The following SLC8A1 variants were observed in gnomAD, a reference collection of about 807,000 sequenced individuals.
SLC8A1 encodes sodium/calcium exchanger 1.
SLC8A1 carries 18 observed loss-of-function variants against 68.3 expected under a neutral mutation model. The observed-to-expected ratio is 0.26, with a 90% CI of 0.18 to 0.39. The LOEUF is 0.39. Ranked by LOEUF, SLC8A1 falls within the 10% of genes least tolerant of loss-of-function variation. SLC8A1 has a pLI of 1.00. For missense variants in SLC8A1, 985 were observed against 1,156.7 expected (o/e 0.85, Z 2.15); for synonymous variants, 475 against 415.5 (o/e 1.14, Z -1.74).
upstream of SLC8A1, among the ~76,000 whole-genome samples, chr2:40,455,725 T>C (rs1559742491): frequency 1.3e-5 from 2 of 152,326 alleles, no homozygotes; most frequent in Admixed American, 1.3e-4. Flanking sequence ...AATTCTTTGT[T>C]GACTTCTAAG....
intron 2 of SLC8A1, among the ~76,000 whole-genome samples, chr2:40,354,394 C>A (rs1220119964): frequency 2.0e-5 from 3 of 152,186 alleles, no homozygotes; most frequent in Non-Finnish European, 2.9e-5. Context: ...AAGTCACACT[C>A]CGTGCACAGC....
rs1220416855 is a variant in SLC8A1 at position 40,311,869 on chromosome 2, G to A, written c.1808+116604C>T. Among the ~76,000 whole-genome samples the A allele has an allele frequency of 2.6e-5, 4 of 152,042 alleles. No individual in the cohort carries two copies. The South Asian group carries it at 6.2e-4, about 24-fold the overall frequency. On this transcript the variant is annotated intron_variant, in intron 2 of 7. Coordinates refer to ENST00000406785, the Ensembl canonical transcript of SLC8A1. ...GAATCGATAACAAAAATAAAAGCAAGTTGTCCTTATCATCTCCACAAACTC... is the reference window on the plus strand; with the variant it reads ...GAATCGATAACAAAAATAAAAGCAAATTGTCCTTATCATCTCCACAAACTC...
chr2:40,486,124 TC>T (rs766345144), intron 1 of SLC8A1, among the ~76,000 whole-genome samples: 1 of 152,190 alleles, frequency 6.6e-6, no homozygotes, highest in African/African-American at 2.4e-5. Flanking sequence ...TAAGGGGCTT[TC>T]CCCCCTTTGC....
intron 2 of SLC8A1, among the ~76,000 whole-genome samples, chr2:40,199,159 G>A (rs2053656130): frequency 2.0e-5 from 3 of 151,852 alleles, no homozygotes; most frequent in Non-Finnish European, 4.4e-5. Flanking sequence ...CATGTTTTTA[G>A]TTGTGGAATT....
chr2:40,388,561 G>C (rs1684323696), intron 2 of SLC8A1, among the ~76,000 whole-genome samples: 2 of 152,132 alleles, frequency 1.3e-5, no homozygotes, highest in African/African-American at 4.8e-5. Flanking sequence ...ATGCATCTAA[G>C]CAACAGTATG....
upstream of SLC8A1, among the ~76,000 whole-genome samples, chr2:40,456,480 A>G (rs1190555996): frequency 6.6e-6 from 1 of 152,236 alleles, no homozygotes; most frequent in Non-Finnish European, 1.5e-5. Context: ...CTATTAATTT[A>G]GAGGTCAGAA....
At chr2:40,110,091 G>A (rs1229486541) in exon 8 of SLC8A1, 1 of 152,126 alleles carries the variant, frequency 6.6e-6, no homozygotes, top group Non-Finnish European at 1.5e-5. Context: ...TGACAGGCAG[G>A]GAAAAAGTCA....
chr2:40,444,307 C>T (rs112869739), intron 1 of SLC8A1, among the ~76,000 whole-genome samples: 1 of 152,058 alleles, frequency 6.6e-6, no homozygotes, highest in Non-Finnish European at 1.5e-5. Flanking sequence ...CCACTGCACC[C>T]CAGCCTGGGT....
chr2:40,199,756 CATG>C (rs1473941578), intron 2 of SLC8A1, among the ~76,000 whole-genome samples: 1 of 151,644 alleles, frequency 6.6e-6, no homozygotes, highest in African/African-American at 2.4e-5. Flanking sequence ...GCTGATTCTA[CATG>C]ATAATTGATC....
chr2:40,304,886 AC>A (rs536882266), intron 2 of SLC8A1, among the ~76,000 whole-genome samples: 32 of 152,284 alleles, frequency 2.1e-4, no homozygotes, highest in Middle Eastern at 3.4e-3. Context: ...TGTCAGGTGA[AC>A]ATGGACTTCC....
At chr2:40,452,169 C>G (rs1702641632), upstream of SLC8A1, 1 of 145,644 alleles carries the variant, frequency 6.9e-6, no homozygotes, top group African/African-American at 2.5e-5. Context: ...GGCGCGCGCG[C>G]GCTCCCCCTC....
chr2:40,233,743 G>A (rs1197367042), intron 2 of SLC8A1, among the ~76,000 whole-genome samples: 1 of 151,196 alleles, frequency 6.6e-6, no homozygotes, highest in East Asian at 1.9e-4. Flanking sequence ...TAACGTTTAA[G>A]TCTTTAATCC....
At chr2:40,160,825 G>C (rs768802141) in exon 6 of SLC8A1, 3 of 1,613,168 alleles carry the variant, frequency 1.9e-6, no homozygotes, top group Admixed American at 1.7e-5. Context: ...CCAACCACAA[G>C]GGCCAGGTTT....
At chr2:40,334,434 C>A (rs1034802108) in intron 2 of SLC8A1, among the ~76,000 whole-genome samples, 1 of 152,156 alleles carries the variant, frequency 6.6e-6, no homozygotes, top group Non-Finnish European at 1.5e-5. Context: ...ATATTTTTTA[C>A]AGCCAATGCA....
At chr2:40,325,200 T>A (rs1327199407) in intron 2 of SLC8A1, among the ~76,000 whole-genome samples, 1 of 152,202 alleles carries the variant, frequency 6.6e-6, no homozygotes, top group African/African-American at 2.4e-5. Context: ...ACAGTTTTCC[T>A]TGTGAGGCTT....
chr2:40,315,084 C>T (rs565493879), intron 2 of SLC8A1, among the ~76,000 whole-genome samples: 2 of 152,014 alleles, frequency 1.3e-5, no homozygotes, highest in South Asian at 4.2e-4. Context: ...AGGAGAGAAG[C>T]ATTCAGTCTT....
chr2:40,380,602 T>C (rs936123290), intron 2 of SLC8A1, among the ~76,000 whole-genome samples: 4 of 152,258 alleles, frequency 2.6e-5, no homozygotes, highest in Middle Eastern at 3.4e-3. Flanking sequence ...CCAGCTGCAC[T>C]TGAAGAACAC....
chr2:40,295,572 T>A (rs1383133920), intron 2 of SLC8A1, among the ~76,000 whole-genome samples: 1 of 152,174 alleles, frequency 6.6e-6, no homozygotes, highest in East Asian at 1.9e-4. Flanking sequence ...TTAATTAGCA[T>A]CATACAGAAA....
upstream of SLC8A1, among the ~76,000 whole-genome samples, chr2:40,452,224 C>A (rs1281291138): frequency 3.3e-5 from 5 of 149,654 alleles, no homozygotes; most frequent in South Asian, 2.1e-4. Context: ...GCCTCGCACT[C>A]GCTCACACGC....
Sources: allele counts gnomAD v4.1 joint callset (sites outside exome capture counted in the v4.1 genomes callset), GRCh38; gene constraint gnomAD v4.1.1; transcripts MANE v1.5; gene names NCBI Gene and HGNC (gene_info 2026-07-23, HGNC 2026-07-21).